The following PZP variants were observed in gnomAD, a reference collection of about 807,000 sequenced individuals.
PZP encodes PZP alpha-2-macroglobulin like.
A neutral mutation model predicts 179.8 loss-of-function variants in PZP; 150 were observed. That is an observed-to-expected ratio of 0.83 (90% confidence interval 0.73 to 0.96). The LOEUF (loss-of-function observed/expected upper bound fraction) is 0.96, where lower values mean the gene tolerates loss of function less well. Among genes scored for constraint, PZP ranks in the 40% least tolerant of loss-of-function variants. The pLI is 0.00. For missense variants in PZP, 1,689 were observed against 1,764.0 expected, an observed-to-expected ratio of 0.96 and a Z score of 0.76; for synonymous variants, 624 against 652.3, an observed-to-expected ratio of 0.96 and a Z score of 0.66.
In PZP at chr12:9,159,989, C is replaced by T; in HGVS notation, c.3086G>A (p.Gly1029Asp). The change falls in exon 25 of 36, where the codon GGC becomes GAC. Residue 1029 changes from glycine to aspartate, a missense_variant. By Grantham distance (94) the Gly-to-Asp change is moderately conservative. Around this residue, in one of 3 missense-constraint regions of PZP, gnomAD observed 746 missense variants for 749.2 expected, o/e 1.00. Transcript: ENST00000261336. ...TCGTTCCCCAAAGGTGCTGTAGGAG[C>T]CATCTTGGTGTTTGTAGTTCAGCTG... The part of the protein sequence containing the change: ...QRQLNYKHQD[G>D]SYSTFGERYG... 6.2e-7 allele frequency: 1 copy of T among 1,613,896 alleles called. No individual in the cohort carries two copies. Among genetic ancestry groups the T allele is most frequent in the Non-Finnish European group, 8.5e-7 (1 of 1,179,900 alleles).
chr12:9,174,365 A>T (rs762107090), intron 15 of PZP, among the ~76,000 whole-genome samples: 1 of 152,188 alleles, frequency 6.6e-6, no homozygotes, highest in Non-Finnish European at 1.5e-5. Flanking sequence ...AGCCAATATC[A>T]TACTGAATGG....
intron 1 of PZP, among the ~76,000 whole-genome samples, chr12:9,206,023 G>C (rs1944423086): frequency 6.6e-6 from 1 of 152,152 alleles, no homozygotes; most frequent in Non-Finnish European, 1.5e-5. Flanking sequence ...TTTACTGTAT[G>C]AGTAGTAAGG....
intron 10 of PZP, among the ~76,000 whole-genome samples, chr12:9,195,611 A>ATTTT (rs11398106): frequency 3.9e-4 from 41 of 104,224 alleles, no homozygotes; most frequent in African/African-American, 5.8e-4. Context: ...CCCACTGCTA[A>ATTTT]TTTTTTTTTT....
At chr12:9,196,874 G>C (rs1943804342) in intron 8 of PZP, 138 bp downstream of exon 8, 2 of 789,596 alleles carry the variant, frequency 2.5e-6, no homozygotes, top group Non-Finnish European at 4.1e-6. Flanking sequence ...GAATCTTGTT[G>C]ACTAAGAACA....
At position 9,203,748 on chromosome 12, in the gene PZP, G is replaced by A; in HGVS notation, c.267+20C>T. The A allele has an allele frequency of 2.5e-6, 4 of 1,613,520 alleles. No individual in the cohort carries two copies. Among genetic ancestry groups the A allele is most frequent in the Non-Finnish European group, 2.5e-6 (3 of 1,179,634 alleles). Reference sequence around the variant, plus strand: ...AAAATGTATCAAGCAGGGATAGCCAGCTGGCACCGTAGCACTCACAGTGAA... The same window carrying A: ...AAAATGTATCAAGCAGGGATAGCCAACTGGCACCGTAGCACTCACAGTGAA... On this transcript the variant is annotated intron_variant, in intron 2 of 35. Coordinates refer to ENST00000261336, the MANE Select transcript of PZP (RefSeq NM_002864.3).
rs1941289526 is a variant in PZP, at chr12:9,162,657, A to G, written c.2737-9T>C. 6.4e-7 allele frequency: 1 copy of G among 1,571,818 alleles called. No homozygotes were observed. The highest frequency in any genetic ancestry group is 2.2e-5 in the East Asian group (1 of 44,616). On this transcript the variant is annotated splice_polypyrimidine_tract_variant and intron_variant, in intron 21 of 35. Coordinates refer to ENST00000261336, the MANE Select transcript of PZP (RefSeq NM_002864.3). ...TGCTCAATACCTTCAGCCTTGGATG[A>G]AAGGAAAGAAAAGGAGAAAAGATAG...
Position 9,196,601 on chromosome 12 carries a change from C to T in PZP, c.952G>A (p.Val318Met), listed in dbSNP as rs778822077. 7 of 1,612,810 alleles carry T rather than the reference C, an allele frequency of 4.3e-6. No individual in the cohort carries two copies. The East Asian group carries it at 1.3e-4, about 31-fold the overall frequency. The change falls in exon 9 of 36, where the codon GTG (valine) becomes ATG (methionine). Residue 318 changes from valine (V) to methionine (M), a missense_variant. Around this residue, in one of 3 missense-constraint regions of PZP, gnomAD observed 742 missense variants for 730.5 expected, o/e 1.02. Transcript: ENST00000261336. Reference protein sequence around the residue: ...TNTGFEMKLRVEARIREEGTD... With the variant: ...TNTGFEMKLRMEARIREEGTD... The stretch of plus-strand genomic sequence containing the variant: ...CCCTCTTCTCTGATCCTGGCTTCCA[C>T]TCTAAGCTTCATTTCAAAGCCCGTA...
chr12:9,164,090 C>T (rs999813721), intron 20 of PZP, 43 bp downstream of exon 20: 36 of 1,568,980 alleles, frequency 2.3e-5, no homozygotes, highest in East Asian at 1.6e-4. Context: ...AGACAGCCAC[C>T]GTCCTTGTTG....
chr12:9,197,392 A>G (rs1943842787), intron 7 of PZP, among the ~76,000 whole-genome samples: 1 of 142,244 alleles, frequency 7.0e-6, no homozygotes, highest in Admixed American at 7.6e-5. Context: ...ATATAATATT[A>G]TAATTATTAT....
At chr12:9,174,028 A>G (rs983886911) in intron 15 of PZP, among the ~76,000 whole-genome samples, 1 of 152,236 alleles carries the variant, frequency 6.6e-6, no homozygotes, top group African/African-American at 2.4e-5. Context: ...CAACAAAAAA[A>G]GAAAGCTTCA....
chr12:9,154,599 CTT>C lies in PZP; in HGVS notation c.3774+15_3774+16del. 2 of 1,611,332 alleles carry C rather than the reference CTT, an allele frequency of 1.2e-6. No homozygotes were observed. Among genetic ancestry groups the C allele is most frequent in the South Asian group, 1.1e-5 (1 of 90,808 alleles). On this transcript the variant is annotated intron_variant, in intron 29 of 35. Transcript: ENST00000261336. ...CCAAGTGAACCTGGAGCAGAAGACT[CTT>C]TGGGAACCACTGACCTGGGTGGAGG...
In PZP at chr12:9,151,756, A is replaced by C. The variant is rs752572024; in HGVS notation, c.4213-84T>G. On this transcript the variant is annotated intron_variant, in intron 32 of 35. Transcript: ENST00000261336. ...GATCTAGAGCAGATTGTAATAAGGG[A>C]CAAATGGTCATTCTCTGAAGAGAAG... 14 of 1,050,398 alleles carry C rather than the reference A, an allele frequency of 1.3e-5. No homozygotes were observed. In the East Asian group the frequency reaches 3.4e-4, roughly 26 times the overall value. The allele number at this position is 1,050,398 out of a possible 1,614,324, so 65.1% of individuals were successfully genotyped here.
chr12:9,149,549 G>T lies in PZP; in HGVS notation c.4426+12C>A, dbSNP rs747851756. The T allele has an allele frequency of 5.6e-6, 9 of 1,610,300 alleles. No individual in the cohort carries two copies. The South Asian group carries it at 7.7e-5, about 14-fold the overall frequency. Reference sequence around the variant, plus strand: ...TGCCATCTAGTACTGGTCATAAGTGGTGAACTCTTACCTGTGCTGCAGGGG... The same window carrying T: ...TGCCATCTAGTACTGGTCATAAGTGTTGAACTCTTACCTGTGCTGCAGGGG... On this transcript the variant is annotated intron_variant, in intron 35 of 35. Transcript: ENST00000261336.
At chr12:9,153,860 A>G (rs1940546590) in intron 29 of PZP, among the ~76,000 whole-genome samples, 1 of 152,266 alleles carries the variant, frequency 6.6e-6, no homozygotes. Flanking sequence ...GGGAAAAGCC[A>G]GACACTCTGG....
intron 3 of PZP, 43 bp downstream of exon 3, chr12:9,202,482 C>G: frequency 6.2e-7 from 1 of 1,612,784 alleles, no homozygotes; most frequent in Admixed American, 1.7e-5. Flanking sequence ...GTTCAGGTGG[C>G]CCTTCTCAGT....
rs1046574551 is a variant in PZP, at chr12:9,163,901, A to G, written c.2615-112T>C. ...AGAATAGAAAATAAGGCTAAAAAAA[A>G]AGAAACCCACAAGGTTAATGTATAC... On this transcript the variant is annotated intron_variant, in intron 20 of 35. Coordinates refer to ENST00000261336, the MANE Select transcript of PZP (RefSeq NM_002864.3). 7 of 1,383,238 alleles carry G rather than the reference A, an allele frequency of 5.1e-6. No individual in the cohort carries two copies. The Admixed American group carries it at 1.2e-4, about 23-fold the overall frequency. 85.7% of individuals were successfully genotyped at this position (1,383,238 alleles called of 1,614,324 possible). A position where few individuals can be genotyped will look rare whatever the true frequency, so the allele number is the denominator to read the frequency against.
rs1944227287 is a variant in PZP, at chr12:9,202,570, C to T, written c.382G>A (p.Val128Ile). ...ATGGGTTTGTCTGTCTGGACAAAGA[C>T]CAGACTTTGGGTGTTCAGTACCAGA... ...TVLVLNTQSL[V>I]FVQTDKPMYK... The change falls in exon 3 of 36, where the codon GTC (valine) becomes ATC (isoleucine). Residue 128 changes from valine to isoleucine, a missense_variant. Val to Ile is a conservative substitution (Grantham distance 29). Transcript: ENST00000261336. The T allele has an allele frequency of 3.7e-6, 6 of 1,614,082 alleles. No homozygotes were observed. The highest frequency in any genetic ancestry group is 5.1e-6 in the Non-Finnish European group (6 of 1,180,014).
chr12:9,186,826 G>T lies in PZP; in HGVS notation c.1547-4709C>A, dbSNP rs890049972. Among the ~76,000 whole-genome samples, 7 of 105,468 alleles carry T rather than the reference G, an allele frequency of 6.6e-5. No homozygotes were observed. The Admixed American group carries it at 1.0e-3, about 15-fold the overall frequency. The allele number at this position is 105,468 out of a possible 152,430, so 69.2% of individuals were successfully genotyped here. The stretch of plus-strand genomic sequence containing the variant: ...TGAGAACACATGGACACAGGGAGGG[G>T]AACATCACACACTGGGGCCTGTCGG... On this transcript the variant is annotated intron_variant, in intron 13 of 35. Coordinates refer to ENST00000261336, the MANE Select transcript of PZP (RefSeq NM_002864.3).
rs1940495929 is a variant in PZP at position 9,153,218 on chromosome 12, G to T, written c.3900C>A (p.Asn1300Lys). 3 of 1,614,188 alleles carry T rather than the reference G, an allele frequency of 1.9e-6. No individual in the cohort carries two copies. In the East Asian group the frequency reaches 6.7e-5, roughly 36 times the overall value. Reference protein sequence around the residue: ...QTFSTNFQVDNNNLLLLQQIS... With the variant: ...QTFSTNFQVDKNNLLLLQQIS... ...TCTGCTGCAGTAATAGGAGGTTGTT[G>T]TTGTCTACTTGGAAATTTGTAGAAA... The change falls in exon 30 of 36, where the codon AAC (asparagine) becomes AAA (lysine). Residue 1300 changes from asparagine (N) to lysine (K), a missense_variant. By Grantham distance (94) the Asn-to-Lys change is moderately conservative. This residue lies in a region of PZP where 746 missense variants were observed against 749.2 expected (regional missense o/e 1.00). Transcript: ENST00000261336.
Sources: allele counts gnomAD v4.1 joint callset (sites outside exome capture counted in the v4.1 genomes callset), GRCh38; gene constraint gnomAD v4.1.1; regional missense constraint gnomAD v4.1.1; transcripts MANE v1.5; gene names NCBI Gene and HGNC (gene_info 2026-07-23, HGNC 2026-07-21).